BACH2: variants seen among roughly 807,000 people sequenced by gnomAD.
BACH2 encodes the protein transcription regulator protein BACH2.
Under a neutral mutation model 61.8 loss-of-function variants are expected in BACH2, and 5 were observed. The ratio of observed to expected loss-of-function variants is 0.08; its 90% CI spans 0.04 to 0.17. BACH2 has a LOEUF of 0.17. BACH2 is among the 10% of genes least tolerant of loss of function. The pLI is 1.00. For missense variants in BACH2, 824 were observed against 1,091.1 expected (o/e 0.76, Z 3.45); for synonymous variants, 446 against 440.1 (o/e 1.01, Z -0.17).
intron 4 of BACH2, among the ~76,000 whole-genome samples, chr6:90,119,334 A>G (rs886924049): frequency 1.3e-5 from 2 of 152,228 alleles, no homozygotes; most frequent in Non-Finnish European, 2.9e-5. Flanking sequence ...ATCGACAACT[A>G]TAATACGAAG....
At chr6:90,261,636 C>A (rs987366139) in intron 2 of BACH2, among the ~76,000 whole-genome samples, 1 of 152,094 alleles carries the variant, frequency 6.6e-6, no homozygotes, top group African/African-American at 2.4e-5. Flanking sequence ...TCAGGTTTTC[C>A]TCATACCCTC....
Position 90,202,899 on chromosome 6 carries a change from C to T in BACH2, c.-162+3670G>A, listed in dbSNP as rs1769003390. On this transcript the variant is annotated intron_variant, in intron 4 of 8. Transcript: ENST00000257749. ...ACGTACACCATCCTGCACAATTTGC[C>T]TCTACAGAATCCTGTTCAATTGGCT... Among the ~76,000 whole-genome samples, 4 of 152,160 alleles carry T rather than the reference C, an allele frequency of 2.6e-5. No individual in the cohort carries two copies. In the South Asian group the frequency reaches 8.3e-4, roughly 32 times the overall value.
intron 3 of BACH2, among the ~76,000 whole-genome samples, chr6:90,231,888 T>C (rs530350050): frequency 2.0e-5 from 3 of 152,280 alleles, no homozygotes; most frequent in African/African-American, 7.2e-5. Context: ...AAAAGAATTC[T>C]AGTGAAACCT....
Position 90,132,612 on chromosome 6 carries a change from C to T in BACH2, c.-161-43503G>A, listed in dbSNP as rs548174502. On this transcript the variant is annotated intron_variant, in intron 4 of 8. Transcript: ENST00000257749. The stretch of plus-strand genomic sequence containing the variant: ...AGTCATCATTTTTGTGCAGGTTCCT[C>T]CTCCCACCCCTACCGTGGCTACACC... Among the ~76,000 whole-genome samples the T allele has an allele frequency of 2.3e-3, 351 of 152,276 alleles. 2 individuals are homozygous for T. Among genetic ancestry groups the T allele is most frequent in the African/African-American group, 7.8e-3 (324 of 41,560 alleles).
intron 8 of BACH2, among the ~76,000 whole-genome samples, chr6:89,936,793 A>G (rs1026080454): frequency 2.0e-4 from 30 of 152,056 alleles, no homozygotes; most frequent in Admixed American, 2.0e-4. Flanking sequence ...CTTTTCTAAC[A>G]TTTCATCCTT....
intron 2 of BACH2, among the ~76,000 whole-genome samples, chr6:90,271,236 T>TA (rs138062200): frequency 0.11 from 16,877 of 151,116 alleles, 1,034 homozygotes; most frequent in South Asian, 0.16. Context: ...CTAATTAAAC[T>TA]AAAAAATCAA....
chr6:90,258,379 G>C (rs940926034), intron 2 of BACH2, among the ~76,000 whole-genome samples: 6 of 151,964 alleles, frequency 3.9e-5, no homozygotes, highest in Non-Finnish European at 7.4e-5. Context: ...CTATATATAC[G>C]TGGATTTATT....
chr6:90,116,984 CTTCT>C, intron 4 of BACH2: 1 of 379,852 alleles, frequency 2.6e-6, no homozygotes, highest in Non-Finnish European at 5.2e-6. Context: ...TGGGTTGCTC[CTTCT>C]TTCTCTGGCA....
chr6:90,187,977 A>G (rs1359142627), intron 4 of BACH2, among the ~76,000 whole-genome samples: 2 of 152,200 alleles, frequency 1.3e-5, no homozygotes, highest in Non-Finnish European at 2.9e-5. Context: ...GGGTCTCACT[A>G]TGCGGAAAAT....
intron 1 of BACH2, among the ~76,000 whole-genome samples, chr6:90,289,583 G>A (rs1290004942): frequency 6.6e-6 from 1 of 152,142 alleles, no homozygotes; most frequent in East Asian, 1.9e-4. Context: ...CTGGAAGAAG[G>A]AGAACTGTCT....
chr6:90,013,089 A>G (rs1181723224), intron 5 of BACH2, among the ~76,000 whole-genome samples: 2 of 152,144 alleles, frequency 1.3e-5, no homozygotes, highest in Non-Finnish European at 2.9e-5. Flanking sequence ...CTGCTAGTAT[A>G]TACATACAAA....
intron 4 of BACH2, among the ~76,000 whole-genome samples, chr6:90,166,382 A>C (rs371472192): frequency 3.9e-5 from 6 of 152,140 alleles, no homozygotes; most frequent in Admixed American, 1.3e-4. Context: ...TTAGAATGGC[A>C]ATCATTAAAA....
Position 89,932,088 on chromosome 6 carries a change from C to T in BACH2, c.*320G>A. 4.4e-6 allele frequency: 1 copy of T among 228,562 alleles called. No homozygotes were observed. The highest frequency in any genetic ancestry group is 8.7e-6 in the Non-Finnish European group (1 of 115,504). The allele number at this position is 228,562 out of a possible 1,614,324, so 14.2% of individuals were successfully genotyped here. Reference sequence around the variant, plus strand: ...GAGATAGGGTTTGTGACATGGGCCACTGAGAAAAAAAATCCGTGGTTGGGG... The same window carrying T: ...GAGATAGGGTTTGTGACATGGGCCATTGAGAAAAAAAATCCGTGGTTGGGG... On this transcript the variant is annotated 3_prime_UTR_variant, in exon 9 of 9. Coordinates refer to ENST00000257749, the MANE Select transcript of BACH2 (RefSeq NM_021813.4).
At chr6:90,160,250 T>C (rs1437653473) in intron 4 of BACH2, among the ~76,000 whole-genome samples, 1 of 152,178 alleles carries the variant, frequency 6.6e-6, no homozygotes, top group Admixed American at 6.5e-5. Context: ...AGTCAGCACT[T>C]GCACACTGGA....
At chr6:89,936,437 C>T (rs567131828) in intron 8 of BACH2, among the ~76,000 whole-genome samples, 1 of 152,290 alleles carries the variant, frequency 6.6e-6, no homozygotes, top group South Asian at 2.1e-4. Context: ...CCATGGTGCC[C>T]AGCCATGACC....
intron 4 of BACH2, among the ~76,000 whole-genome samples, chr6:90,099,181 T>C (rs779307447): frequency 9.2e-5 from 14 of 152,174 alleles, no homozygotes; most frequent in Non-Finnish European, 1.3e-4. Context: ...CCTCTCTAAG[T>C]GGCAGGTCGT....
At position 89,964,138 on chromosome 6, in the gene BACH2, A is replaced by G. The variant is rs576844833; in HGVS notation, c.244-12276T>C. The stretch of plus-strand genomic sequence containing the variant: ...GAGTTAGTGGGTGCAGCGCACCAGC[A>G]TGGCACATGCATACATATGTAACTA... On this transcript the variant is annotated intron_variant, in intron 6 of 8. Transcript: ENST00000257749. Among the ~76,000 whole-genome samples the G allele has an allele frequency of 1.1e-4, 17 of 152,060 alleles. No homozygotes were observed. In the South Asian group the frequency reaches 3.1e-3, roughly 28 times the overall value.
At chr6:90,257,992 T>C (rs1257804773) in intron 2 of BACH2, among the ~76,000 whole-genome samples, 1 of 152,186 alleles carries the variant, frequency 6.6e-6, no homozygotes, top group Non-Finnish European at 1.5e-5. Context: ...GCCAGGATGG[T>C]CTCGATCTCC....
intron 4 of BACH2, among the ~76,000 whole-genome samples, chr6:90,119,734 A>T (rs943909909): frequency 1.3e-5 from 2 of 152,218 alleles, no homozygotes; most frequent in African/African-American, 4.8e-5. Flanking sequence ...AAATAAAACA[A>T]ATATTTAGAA....
Sources: gnomAD v4.1 joint callset for allele counts (sites outside exome capture counted in the v4.1 genomes callset) on GRCh38, gnomAD v4.1.1 for gene constraint, MANE v1.5 for transcripts, NCBI Gene and HGNC (gene_info 2026-07-23, HGNC 2026-07-21) for gene names.